MAGI1: variants seen among roughly 807,000 people sequenced by gnomAD.
The protein encoded by MAGI1 is membrane-associated guanylate kinase, WW and PDZ domain-containing protein 1.
A neutral mutation model predicts 139.9 loss-of-function variants in MAGI1; 58 were observed. The ratio of observed to expected loss-of-function variants is 0.41; its 90% CI spans 0.34 to 0.52. The LOEUF is 0.52. Ranked by LOEUF, MAGI1 falls within the 20% of genes least tolerant of loss-of-function variation. The probability of loss-of-function intolerance (pLI) is 0.12; values close to 1 mark genes in which losing one functional copy is unlikely to be tolerated. For synonymous variants in MAGI1, 812 were observed against 737.9 expected (o/e 1.10, Z -1.63); for missense variants, 1,874 against 1,901.6 (o/e 0.99, Z 0.27).
intron 3 of MAGI1, 99 bp from the exon 4 acceptor site, chr3:65,478,897 AT>A: frequency 1.2e-6 from 1 of 868,520 alleles, no homozygotes; most frequent in Non-Finnish European, 1.9e-6. Flanking sequence ...TAAAAAAAAA[AT>A]TAAACTAGAA....
chr3:65,574,011 A>G (rs543518785), intron 2 of MAGI1, among the ~76,000 whole-genome samples: 2 of 152,112 alleles, frequency 1.3e-5, no homozygotes, highest in East Asian at 1.9e-4. Flanking sequence ...GCCTTTTAAG[A>G]AAGTTTGCTG....
At chr3:65,693,886 C>T (rs926124695) in intron 1 of MAGI1, among the ~76,000 whole-genome samples, 4 of 136,718 alleles carry the variant, frequency 2.9e-5, no homozygotes, top group Admixed American at 2.1e-4. Flanking sequence ...TCATGCCTGG[C>T]TAATTTTTGA....
intron 1 of MAGI1, among the ~76,000 whole-genome samples, chr3:65,636,962 C>T (rs1250771285): frequency 2.6e-5 from 4 of 152,256 alleles, no homozygotes; most frequent in Non-Finnish European, 4.4e-5. Flanking sequence ...AAGCCCATTG[C>T]AGGCTTTGCC....
At chr3:65,368,573 C>T (rs1218741518) in intron 18 of MAGI1, among the ~76,000 whole-genome samples, 4 of 152,316 alleles carry the variant, frequency 2.6e-5, no homozygotes, top group East Asian at 1.9e-4. Flanking sequence ...CCTCCCCTTA[C>T]GGAATCCACA....
At chr3:65,587,117 T>C (rs187529618) in intron 2 of MAGI1, among the ~76,000 whole-genome samples, 389 of 152,236 alleles carry the variant, frequency 2.6e-3, no homozygotes, top group African/African-American at 8.4e-3. Context: ...CAATAAGATA[T>C]TGCTGGGCCC....
At chr3:65,959,372 C>T (rs1298653754) in intron 1 of MAGI1, among the ~76,000 whole-genome samples, 1 of 152,212 alleles carries the variant, frequency 6.6e-6, no homozygotes, top group East Asian at 1.9e-4. Flanking sequence ...GTACAAAGAA[C>T]ATCACTATTC....
At chr3:65,602,181 A>G (rs2082514213) in intron 2 of MAGI1, among the ~76,000 whole-genome samples, 1 of 152,220 alleles carries the variant, frequency 6.6e-6, no homozygotes, top group Admixed American at 6.5e-5. Flanking sequence ...AATTTATGAT[A>G]TGACCAAATG....
intron 8 of MAGI1, among the ~76,000 whole-genome samples, chr3:65,440,868 TAC>T: frequency 6.6e-6 from 1 of 150,428 alleles, no homozygotes; most frequent in African/African-American, 2.5e-5. Flanking sequence ...TATATATGTA[TAC>T]ACATATATGT....
rs149771678 is a variant in MAGI1 at position 65,726,513 on chromosome 3, T to C, written c.314-104425A>G. On this transcript the variant is annotated intron_variant, in intron 1 of 22. Transcript: ENST00000402939. The stretch of plus-strand genomic sequence containing the variant: ...ATATTGCCCTATTTTTGTGGTTATG[T>C]TGAGGTATCAAGTTTCTGCAGCATT... Among the ~76,000 whole-genome samples, 105 of 152,322 alleles carry C rather than the reference T, an allele frequency of 6.9e-4. 1 individual carries two copies. Among genetic ancestry groups the C allele is most frequent in the African/African-American group, 2.3e-3 (97 of 41,566 alleles).
At chr3:65,431,823 T>C (rs1575721977) in intron 10 of MAGI1, among the ~76,000 whole-genome samples, 1 of 144,338 alleles carries the variant, frequency 6.9e-6, no homozygotes, top group Non-Finnish European at 1.5e-5. Context: ...CTGTCTCTAC[T>C]AAAAAAAAAA....
At chr3:65,805,631 A>G (rs940727046) in intron 1 of MAGI1, among the ~76,000 whole-genome samples, 5 of 152,206 alleles carry the variant, frequency 3.3e-5, no homozygotes, top group Non-Finnish European at 5.9e-5. Flanking sequence ...ACAAAGGTAC[A>G]TGCACGTGTA....
intron 1 of MAGI1, among the ~76,000 whole-genome samples, chr3:65,981,229 C>G (rs1050063584): frequency 7.2e-5 from 11 of 152,046 alleles, no homozygotes; most frequent in African/African-American, 2.7e-4. Flanking sequence ...TCAAGAGCTC[C>G]GTAGCCATGT....
At chr3:65,635,465 C>T (rs1273471091) in intron 1 of MAGI1, among the ~76,000 whole-genome samples, 1 of 152,198 alleles carries the variant, frequency 6.6e-6, no homozygotes, top group African/African-American at 2.4e-5. Flanking sequence ...TAACCTGCCA[C>T]ATCATAAAGT....
chr3:65,687,691 C>G (rs2088180456), intron 1 of MAGI1: 1 of 516,572 alleles, frequency 1.9e-6, no homozygotes, highest in Non-Finnish European at 3.9e-6. Context: ...TCTGCCAAGG[C>G]TGGAAGCTGT....
chr3:65,724,655 A>G (rs2107702635), intron 1 of MAGI1, among the ~76,000 whole-genome samples: 1 of 152,306 alleles, frequency 6.6e-6, no homozygotes, highest in South Asian at 2.1e-4. Context: ...GGCATACCTG[A>G]GACTGGGTAA....
At chr3:65,990,141 C>A (rs1200833511) in intron 1 of MAGI1, among the ~76,000 whole-genome samples, 1 of 151,976 alleles carries the variant, frequency 6.6e-6, no homozygotes, top group Admixed American at 6.6e-5. Flanking sequence ...GAAGAGCTGG[C>A]AAGACCTGAG....
intron 2 of MAGI1, among the ~76,000 whole-genome samples, chr3:65,592,629 G>A (rs1366836026): frequency 6.6e-6 from 1 of 152,156 alleles, no homozygotes; most frequent in Non-Finnish European, 1.5e-5. Flanking sequence ...AAAAAGCTAT[G>A]TGCATATATA....
chr3:65,379,233 C>G, intron 17 of MAGI1, 28 bp downstream of exon 17: 12 of 1,608,712 alleles, frequency 7.5e-6, no homozygotes, highest in Non-Finnish European at 1.0e-5. Context: ...GGTGGGAAAC[C>G]CTGGGTAATT....
At chr3:65,632,148 T>C (rs970608378) in intron 1 of MAGI1, among the ~76,000 whole-genome samples, 2 of 152,194 alleles carry the variant, frequency 1.3e-5, no homozygotes, top group Admixed American at 6.5e-5. Flanking sequence ...TTGATGAGTA[T>C]GAATATTATT....
Sources: allele counts gnomAD v4.1 joint callset (sites outside exome capture counted in the v4.1 genomes callset), GRCh38; gene constraint gnomAD v4.1.1; transcripts MANE v1.5; gene names NCBI Gene and HGNC (gene_info 2026-07-23, HGNC 2026-07-21).